FAHD2A: variants seen among roughly 807,000 people sequenced by gnomAD.
FAHD2A encodes oxaloacetate tautomerase FAHD2A, mitochondrial.
FAHD2A carries 27 observed loss-of-function variants against 33.4 expected under a neutral mutation model. The observed-to-expected ratio is 0.81, with a 90% CI of 0.60 to 1.11. FAHD2A has a LOEUF of 1.11. Among genes scored for constraint, FAHD2A ranks in the 50% most tolerant of loss-of-function variants. FAHD2A has a pLI of 0.00. For synonymous variants in FAHD2A, 130 were observed against 153.3 expected (o/e 0.85, Z 1.12); for missense variants, 296 against 395.0 (o/e 0.75, Z 2.12).
At chr2:95,416,894 C>G (rs1478107026), downstream of FAHD2A, among the ~76,000 whole-genome samples, 4 of 152,232 alleles carry the variant, frequency 2.6e-5, no homozygotes, top group African/African-American at 9.6e-5. Context: ...GACCTCTAGA[C>G]CCTAAGGATC....
intron 3 of FAHD2A, among the ~76,000 whole-genome samples, chr2:95,408,657 G>T (rs1034002052): frequency 6.6e-6 from 1 of 152,188 alleles, no homozygotes; most frequent in Admixed American, 6.5e-5. Flanking sequence ...GCACGGGAAA[G>T]ACCTGCCCCC....
At chr2:95,409,122 A>C (rs1682077045) in intron 3 of FAHD2A, among the ~76,000 whole-genome samples, 1 of 152,210 alleles carries the variant, frequency 6.6e-6, no homozygotes, top group African/African-American at 2.4e-5. Flanking sequence ...CAGTGGTCCC[A>C]GAATTTGACC....
Position 95,412,592 on chromosome 2 carries a change from T to C in FAHD2A, c.794+50T>C, listed in dbSNP as rs542458506. 4.3e-6 allele frequency: 7 copies of C among 1,613,780 alleles called. No individual in the cohort carries two copies. The East Asian group carries it at 8.9e-5, about 21-fold the overall frequency. On this transcript the variant is annotated intron_variant, in intron 6 of 7. Coordinates refer to ENST00000233379, the MANE Select transcript of FAHD2A (RefSeq NM_016044.3). ...AGCCCCGCTTCACCTGCCACACATG[T>C]GGAGGCTGACCTGAGCCCTCCATCT...
downstream of FAHD2A, among the ~76,000 whole-genome samples, chr2:95,420,843 C>A (rs995392248): frequency 2.4e-4 from 36 of 151,906 alleles, 1 homozygote; most frequent in African/African-American, 8.5e-4. Flanking sequence ...GTAAAAGAAG[C>A]CTTGTTATTA....
intron 4 of FAHD2A, 97 bp downstream of exon 4, chr2:95,410,683 A>G (rs532740469): frequency 1.9e-6 from 3 of 1,570,814 alleles, no homozygotes; most frequent in African/African-American, 2.7e-5. Context: ...ACACGGTGCC[A>G]GCTGTCCCTG....
At chr2:95,408,947 C>T (rs1246614411) in intron 3 of FAHD2A, among the ~76,000 whole-genome samples, 1 of 152,196 alleles carries the variant, frequency 6.6e-6, no homozygotes, top group Non-Finnish European at 1.5e-5. Flanking sequence ...CAAACAATAC[C>T]CCCTGCCCTT....
In FAHD2A at chr2:95,413,598, C is replaced by T; in HGVS notation, c.*641C>T. 1 of 1,528,040 alleles carries T rather than the reference C, an allele frequency of 6.5e-7. No individual in the cohort carries two copies. Among genetic ancestry groups the T allele is most frequent in the Middle Eastern group, 2.3e-4 (1 of 4,356 alleles). The allele number at this position is 1,528,040 out of a possible 1,614,324, so 94.7% of individuals were successfully genotyped here. A position where few individuals can be genotyped will look rare whatever the true frequency, so the allele number is the denominator to read the frequency against. On this transcript the variant is annotated 3_prime_UTR_variant, in exon 8 of 8. Transcript: ENST00000233379. ...CCATGGAAGATGGGCCGTGAGTGCA[C>T]TCACCACAGGGACTGTGTCCACATG...
chr2:95,410,709 C>T, intron 4 of FAHD2A, 123 bp downstream of exon 4: 2 of 1,542,460 alleles, frequency 1.3e-6, no homozygotes, highest in Non-Finnish European at 1.8e-6. Context: ...AGGAAGCAGT[C>T]AGCCTCCTTG....
intron 5 of FAHD2A, 91 bp downstream of exon 5, chr2:95,411,117 C>A: frequency 6.5e-7 from 1 of 1,549,912 alleles, no homozygotes; most frequent in Non-Finnish European, 8.7e-7. Context: ...CATGTGGCAC[C>A]TGCCCTCCCT....
Position 95,413,675 on chromosome 2 carries a change from CT to C in FAHD2A, c.*720del. 8.2e-7 allele frequency: 1 copy of C among 1,212,424 alleles called. No individual in the cohort carries two copies. Among genetic ancestry groups the C allele is most frequent in the African/African-American group, 1.5e-5 (1 of 65,006 alleles). 75.1% of individuals were successfully genotyped at this position (1,212,424 alleles called of 1,614,324 possible). A position where few individuals can be genotyped will look rare whatever the true frequency, so the allele number is the denominator to read the frequency against. ...AAACCTGCCTTGAGACCTCTGACCC[CT>C]TAGGCCTCAGTGTTTGAGTGCAAAT... On this transcript the variant is annotated 3_prime_UTR_variant, in exon 8 of 8. Coordinates refer to ENST00000233379, the MANE Select transcript of FAHD2A (RefSeq NM_016044.3).
chr2:95,418,114 AC>A (rs1683259163), downstream of FAHD2A, among the ~76,000 whole-genome samples: 1 of 151,940 alleles, frequency 6.6e-6, no homozygotes, highest in Non-Finnish European at 1.5e-5. Context: ...GATTAATCTC[AC>A]CTACTCCTTC....
chr2:95,411,915 AGCTGGGACTACAGGCAC>A (rs1375188499), intron 5 of FAHD2A, among the ~76,000 whole-genome samples: 7 of 152,188 alleles, frequency 4.6e-5, no homozygotes, highest in Admixed American at 2.0e-4. Context: ...CCTCCTGAGT[AGCTGGGACTACAGGCAC>A]GCACCACCAC....
chr2:95,412,386 T>A (rs1045230849), intron 5 of FAHD2A, 48 bp from the exon 6 acceptor site: 3 of 1,607,810 alleles, frequency 1.9e-6, no homozygotes, highest in Non-Finnish European at 2.5e-6. Context: ...TATTGGGGGG[T>A]TTGAGGGGGA....
downstream of FAHD2A, among the ~76,000 whole-genome samples, chr2:95,417,194 C>CTTGTAAGG (rs1683234884): frequency 6.6e-6 from 1 of 152,228 alleles, no homozygotes; most frequent in Non-Finnish European, 1.5e-5. Context: ...CATCTGCCTC[C>CTTGTAAGG]ATCAATGAAA....
Position 95,414,382 on chromosome 2 carries a change from C to T in FAHD2A, c.*1425C>T. The T allele has an allele frequency of 1.5e-6, 1 of 664,854 alleles. No homozygotes were observed. The highest frequency in any genetic ancestry group is 2.8e-6 in the Non-Finnish European group (1 of 362,496). 41.2% of individuals were successfully genotyped at this position (664,854 alleles called of 1,614,324 possible). A position where few individuals can be genotyped will look rare whatever the true frequency, so the allele number is the denominator to read the frequency against. ...GTATGAAGATGTGGAGCTGGGAAAA[C>T]AGAGGATGTGGTGGGATGGGGAAGG... On this transcript the variant is annotated 3_prime_UTR_variant, in exon 8 of 8. Coordinates refer to ENST00000233379, the MANE Select transcript of FAHD2A (RefSeq NM_016044.3).
intron 2 of FAHD2A, among the ~76,000 whole-genome samples, chr2:95,406,423 C>T (rs1232621577): frequency 8.6e-5 from 13 of 150,468 alleles, no homozygotes; most frequent in Admixed American, 2.0e-4. Flanking sequence ...TCTGCAAAGA[C>T]TGGAAATCTC....
rs1267513445 is a variant in FAHD2A, at chr2:95,414,470, TTTG to T, written c.*1516_*1518del. On this transcript the variant is annotated 3_prime_UTR_variant, in exon 8 of 8. Transcript: ENST00000233379. The stretch of plus-strand genomic sequence containing the variant: ...CCACTGCTTCGTCCCAGATTCTGTT[TTTG>T]TTTTCCTGAATCAGACTTAGTCTCC... 1 of 507,936 alleles carries T rather than the reference TTTG, an allele frequency of 2.0e-6. No individual in the cohort carries two copies. The highest frequency in any genetic ancestry group is 3.6e-6 in the Non-Finnish European group (1 of 279,084). 31.5% of individuals were successfully genotyped at this position (507,936 alleles called of 1,614,324 possible).
chr2:95,405,696 A>G lies in FAHD2A; in HGVS notation c.138A>G (p.Thr46=). The change falls in exon 2 of 8, where the codon ACA becomes ACG. Residue 46 remains threonine (T), a synonymous_variant. Transcript: ENST00000233379. ...HLVGPHLGLE[T]GNGGGVINLN... The stretch of plus-strand genomic sequence containing the variant: ...TGGGGCCTCACTTGGGCCTGGAGAC[A>G]GGGAATGGTGGAGGGGTTATCAACC... 1 of 1,614,126 alleles carries G rather than the reference A, an allele frequency of 6.2e-7. No individual in the cohort carries two copies. The highest frequency in any genetic ancestry group is 2.2e-5 in the East Asian group (1 of 44,866).
intron 1 of FAHD2A, among the ~76,000 whole-genome samples, chr2:95,404,339 G>T (rs1681180149): frequency 6.6e-6 from 1 of 151,908 alleles, no homozygotes; most frequent in Non-Finnish European, 1.5e-5. Flanking sequence ...TGTCACCCAG[G>T]CTGGAGTGCA....
Sources: allele counts gnomAD v4.1 joint callset (sites outside exome capture counted in the v4.1 genomes callset), GRCh38; gene constraint gnomAD v4.1.1; transcripts MANE v1.5; gene names NCBI Gene and HGNC (gene_info 2026-07-23, HGNC 2026-07-21).